Variants in TDRD7 observed in about 807,000 individuals in gnomAD.
TDRD7 encodes tudor domain-containing protein 7.
A neutral mutation model predicts 109.8 loss-of-function variants in TDRD7; 47 were observed. The observed-to-expected ratio is 0.43, with a 90% CI of 0.34 to 0.55. The LOEUF (loss-of-function observed/expected upper bound fraction) is 0.55, where lower values mean the gene tolerates loss of function less well. TDRD7 is among the 20% of genes least tolerant of loss of function. TDRD7 has a pLI of 0.03. For synonymous variants in TDRD7, 424 were observed against 457.3 expected, an observed-to-expected ratio of 0.93 and a Z score of 0.93; for missense variants, 1,164 against 1,319.2, an observed-to-expected ratio of 0.88 and a Z score of 1.82.
chr9:97,495,251 A>G (rs904799192), intron 16 of TDRD7, among the ~76,000 whole-genome samples: 1 of 152,208 alleles, frequency 6.6e-6, no homozygotes, highest in Non-Finnish European at 1.5e-5. Context: ...TAAATGAATC[A>G]TACAATAATT....
At chr9:97,470,439 G>T in intron 8 of TDRD7, 119 bp from the exon 9 acceptor site, 1 of 927,648 alleles carries the variant, frequency 1.1e-6, no homozygotes. Context: ...GCTTTTTCCA[G>T]GTGCCACTCT....
intron 2 of TDRD7, among the ~76,000 whole-genome samples, chr9:97,429,752 T>A (rs1828068384): frequency 6.6e-6 from 1 of 152,238 alleles, no homozygotes; most frequent in Non-Finnish European, 1.5e-5. Context: ...GTTTTCTGTT[T>A]AATTTCTTGC....
rs1295303043 is a variant in TDRD7 at position 97,431,061 on chromosome 9, A to AT, written c.342dup (p.Leu115SerfsTer25). 1.2e-6 allele frequency: 2 copies of AT among 1,613,666 alleles called. No individual in the cohort carries two copies. Among genetic ancestry groups the AT allele is most frequent in the Non-Finnish European group, 1.7e-6 (2 of 1,179,798 alleles). On this transcript the variant is annotated frameshift_variant, in exon 3 of 17. Transcript: ENST00000355295. LOFTEE classifies it high-confidence loss of function. The stretch of plus-strand genomic sequence containing the variant: ...AGATGAGAGTGAAGAAAACCATGCC[A>AT]TTTTTTCTAGAAGGTAGGAGCTTTT...
Position 97,487,542 on chromosome 9 carries a change from TCTCTA to T in TDRD7, c.3076+214_3076+218del, listed in dbSNP as rs1043768600. ...ATCATTATATCTGCTGTTTCTCTTT[TCTCTA>T]CTCCTTCTGTCTCTGGTTTCAAGCA... On this transcript the variant is annotated intron_variant, in intron 16 of 16. Transcript: ENST00000355295. Among the ~76,000 whole-genome samples the T allele has an allele frequency of 1.1e-3, 166 of 151,306 alleles. 1 individual carries two copies. The highest frequency in any genetic ancestry group is 3.9e-3 in the African/African-American group (159 of 40,600).
At chr9:97,461,238 A>G (rs542838880) in intron 7 of TDRD7, among the ~76,000 whole-genome samples, 95 of 152,364 alleles carry the variant, frequency 6.2e-4, no homozygotes, top group African/African-American at 2.2e-3. Context: ...ATATACAGCT[A>G]TCCTAAGACT....
intron 2 of TDRD7, among the ~76,000 whole-genome samples, chr9:97,429,068 C>T (rs1828056050): frequency 6.6e-6 from 1 of 152,152 alleles, no homozygotes; most frequent in African/African-American, 2.4e-5. Context: ...AAATTCTCAT[C>T]AAGTCAATTC....
intron 1 of TDRD7, among the ~76,000 whole-genome samples, chr9:97,416,206 T>A (rs1827807903): frequency 6.6e-6 from 1 of 152,214 alleles, no homozygotes; most frequent in Admixed American, 6.5e-5. Flanking sequence ...TAGTCCTCCA[T>A]GAAAGATAGC....
At chr9:97,418,729 G>C (rs1827852084) in intron 1 of TDRD7, among the ~76,000 whole-genome samples, 1 of 152,146 alleles carries the variant, frequency 6.6e-6, no homozygotes, top group African/African-American at 2.4e-5. Context: ...CTCTAAGACA[G>C]GGCTGGACCT....
At chr9:97,488,775 G>A (rs1829255346) in intron 16 of TDRD7, among the ~76,000 whole-genome samples, 1 of 152,142 alleles carries the variant, frequency 6.6e-6, no homozygotes, top group African/African-American at 2.4e-5. Context: ...CTTTCTTCCT[G>A]TTTAATATAT....
At position 97,472,397 on chromosome 9, in the gene TDRD7, C is replaced by T. The variant is rs766559772; in HGVS notation, c.1846C>T (p.Leu616Phe). 3.3e-5 allele frequency: 54 copies of T among 1,613,722 alleles called. No homozygotes were observed. The highest frequency in any genetic ancestry group is 4.4e-5 in the Non-Finnish European group (52 of 1,179,836). ...AATACTTGACAAAGCTGACATTCCA[C>T]TTGTTGTTCTGTACGATACCTCAGG... is the stretch of plus-strand genomic sequence containing the variant. Reference protein sequence around the residue: ...VEILDKADIPLVVLYDTSGED... With the variant: ...VEILDKADIPFVVLYDTSGED... The change falls in exon 10 of 17, where the codon CTT (leucine) becomes TTT (phenylalanine). Residue 616 changes from leucine (L) to phenylalanine (F), a missense_variant. Leu to Phe is a conservative substitution (Grantham distance 22, BLOSUM62 0). This residue lies in a region of TDRD7 where 261 missense variants were observed against 336.2 expected (regional missense o/e 0.78). Transcript: ENST00000355295.
chr9:97,423,381 A>G (rs575038039), intron 1 of TDRD7, among the ~76,000 whole-genome samples: 1 of 149,310 alleles, frequency 6.7e-6, no homozygotes, highest in Admixed American at 6.7e-5. Context: ...CAATCACATT[A>G]TGGTAATTTG....
chr9:97,495,012 A>G (rs1031699822), intron 16 of TDRD7, among the ~76,000 whole-genome samples: 1 of 152,124 alleles, frequency 6.6e-6, no homozygotes, highest in Non-Finnish European at 1.5e-5. Context: ...TGCCCGGCCA[A>G]TGTGTACTTT....
intron 6 of TDRD7, among the ~76,000 whole-genome samples, chr9:97,448,778 A>G (rs1828441726): frequency 1.3e-5 from 2 of 152,232 alleles, no homozygotes; most frequent in Admixed American, 1.3e-4. Flanking sequence ...AACTTAATTT[A>G]AAACTTCAAC....
At chr9:97,489,960 C>T (rs1371685894) in intron 16 of TDRD7, among the ~76,000 whole-genome samples, 1 of 151,962 alleles carries the variant, frequency 6.6e-6, no homozygotes, top group Non-Finnish European at 1.5e-5. Flanking sequence ...TTAATTCCTT[C>T]CTCCAGGCTC....
intron 16 of TDRD7, among the ~76,000 whole-genome samples, chr9:97,488,560 G>GTTTTTTTTTTTTTTTTTTTTTTTTTTT (rs61689126): frequency 2.1e-5 from 3 of 140,590 alleles, no homozygotes; most frequent in Non-Finnish European, 3.1e-5. Flanking sequence ...AGATTTAATG[G>GTTTTTTTTTTTTTTTTTTTTTTTTTTT]TTTTTTTTTT....
chr9:97,454,841 T>A (rs1239654683), intron 6 of TDRD7, among the ~76,000 whole-genome samples: 3 of 148,986 alleles, frequency 2.0e-5, no homozygotes, highest in Non-Finnish European at 4.5e-5. Context: ...CAGAGAAGAA[T>A]TGAAGGAGAT....
chr9:97,446,448 A>G (rs1205740156), intron 6 of TDRD7, among the ~76,000 whole-genome samples: 1 of 152,238 alleles, frequency 6.6e-6, no homozygotes, highest in East Asian at 1.9e-4. Context: ...TGACAAAATT[A>G]TAGAACATAA....
Position 97,432,124 on chromosome 9 carries a change from T to C in TDRD7, c.449T>C (p.Val150Ala), listed in dbSNP as rs2045732. 0.49 allele frequency: 794,455 copies of C among 1,613,408 alleles called. 197,486 individuals carry two copies. Among genetic ancestry groups the C allele is most frequent in the African/African-American group, 0.61 (45,703 of 74,894 alleles). Reference protein sequence around the residue: ...PAPLRDKGNSVGVKPDAEMSP... With the variant: ...PAPLRDKGNSAGVKPDAEMSP... ...CCGTTAAGAGACAAAGGAAACTCTG[T>C]TGGAGTTAAGCCTGATGCTGAAATG... is the stretch of plus-strand genomic sequence containing the variant. Residue 150 changes from valine to alanine, a missense_variant, in exon 4 of 17, where the codon GTT (valine) becomes GCT (alanine). Val to Ala is a moderately conservative substitution (Grantham distance 64). Coordinates refer to ENST00000355295, the MANE Select transcript of TDRD7 (RefSeq NM_014290.3).
chr9:97,432,007 G>C lies in TDRD7; in HGVS notation c.350-18G>C, dbSNP rs748892868. 1.2e-6 allele frequency: 2 copies of C among 1,611,710 alleles called. No individual in the cohort carries two copies. The highest frequency in any genetic ancestry group is 1.3e-5 in the African/African-American group (1 of 74,852). ...TGGGGATGCTAATTGATTTCGTTAT[G>C]TATGCCTAACTTCATAGGAAAACCA... On this transcript the variant is annotated intron_variant, in intron 3 of 16. Transcript: ENST00000355295.
Sources: gnomAD v4.1 joint callset for allele counts (sites outside exome capture counted in the v4.1 genomes callset) on GRCh38, gnomAD v4.1.1 for gene constraint, gnomAD v4.1.1 regional missense constraint, MANE v1.5 for transcripts, NCBI Gene and HGNC (gene_info 2026-07-23, HGNC 2026-07-21) for gene names.